The following POLR3E variants were observed in gnomAD, a reference collection of about 807,000 sequenced individuals.
POLR3E encodes RNA polymerase III subunit E.
POLR3E carries 41 observed loss-of-function variants against 96.6 expected under a neutral mutation model. That is an observed-to-expected ratio of 0.42 (90% CI 0.33 to 0.55). The LOEUF (loss-of-function observed/expected upper bound fraction) is 0.55, where lower values mean the gene tolerates loss of function less well. Ranked by LOEUF, POLR3E falls within the 20% of genes least tolerant of loss-of-function variation. POLR3E has a pLI of 0.06. For missense variants in POLR3E, 849 were observed against 952.1 expected (o/e 0.89, Z 1.43); for synonymous variants, 396 against 383.6 (o/e 1.03, Z -0.38).
At position 22,314,107 on chromosome 16, in the gene POLR3E, AGACGAT is replaced by A. The variant is rs1319020864; in HGVS notation, c.503_508del (p.Asp168_Asp169del). 3 of 1,613,836 alleles carry A rather than the reference AGACGAT, an allele frequency of 1.9e-6. No individual in the cohort carries two copies. The highest frequency in any genetic ancestry group is 1.3e-5 in the African/African-American group (1 of 74,918). The stretch of plus-strand genomic sequence containing the variant: ...GGGACTCTTCACAGGATGAGGCGGA[AGACGAT>A]GTTAAGCAGATCACGGTGAGCCCTG... On this transcript the variant is annotated inframe_deletion, in exon 8 of 21. Coordinates refer to ENST00000299853, the MANE Select transcript of POLR3E (RefSeq NM_018119.4).
At chr16:22,316,515 A>G (rs1452664116) in intron 9 of POLR3E, 86 bp from the exon 10 acceptor site, 2 of 971,738 alleles carry the variant, frequency 2.1e-6, no homozygotes, top group African/African-American at 3.2e-5. Flanking sequence ...CTGGCCATGG[A>G]GTGGAAGACG....
At chr16:22,319,292 G>A (rs1313934637) in intron 13 of POLR3E, among the ~76,000 whole-genome samples, 2 of 152,162 alleles carry the variant, frequency 1.3e-5, no homozygotes, top group African/African-American at 4.8e-5. Flanking sequence ...TTCTCTTAAT[G>A]GGAGCATTTG....
intron 2 of POLR3E, among the ~76,000 whole-genome samples, chr16:22,304,195 G>A (rs1166660080): frequency 1.3e-5 from 2 of 152,090 alleles, no homozygotes; most frequent in Non-Finnish European, 2.9e-5. Flanking sequence ...CCTTTGGAAG[G>A]CAAAAGGCAA....
intron 18 of POLR3E, chr16:22,326,651 A>G: frequency 2.9e-6 from 1 of 343,924 alleles, no homozygotes; most frequent in Non-Finnish European, 5.5e-6. Context: ...AGATCGTTTG[A>G]TCTTCTTTGC....
intron 1 of POLR3E, among the ~76,000 whole-genome samples, chr16:22,298,510 C>CCAAAA (rs1272085536): frequency 8.5e-5 from 13 of 152,164 alleles, no homozygotes; most frequent in Non-Finnish European, 1.6e-4. Context: ...GGGAGGAATA[C>CCAAAA]CAAACCCAGA....
intron 1 of POLR3E, among the ~76,000 whole-genome samples, chr16:22,299,402 A>G: frequency 6.8e-6 from 1 of 146,834 alleles, no homozygotes; most frequent in South Asian, 2.1e-4. Flanking sequence ...GGGAAATAAT[A>G]TGATTTACTT....
chr16:22,323,256 G>A (rs1184805665), intron 14 of POLR3E, among the ~76,000 whole-genome samples: 1 of 152,164 alleles, frequency 6.6e-6, no homozygotes, highest in African/African-American at 2.4e-5. Flanking sequence ...ATGCTAGACA[G>A]ATGTCTAGCT....
rs1456784810 is a variant in POLR3E, at chr16:22,313,698, A to T, written c.443A>T (p.Lys148Met). 6.2e-7 allele frequency: 1 copy of T among 1,613,338 alleles called. No homozygotes were observed. The highest frequency in any genetic ancestry group is 1.3e-5 in the African/African-American group (1 of 74,920). ...TCCTACCTGGATAAGGCTGACGCCA[A>T]GCACCGGGAGAGGGAGGCGGCCAAC... The part of the protein sequence containing the change: ...SFSYLDKADA[K>M]HREREAANEA... The change falls in exon 7 of 21, where the codon AAG (lysine) becomes ATG (methionine). Residue 148 changes from lysine (K) to methionine (M), a missense_variant. Coordinates refer to ENST00000299853, the MANE Select transcript of POLR3E (RefSeq NM_018119.4). This position sits in a 1 kb window ranked among gnomAD's most constrained non-coding sequence, Gnocchi z 4.1.
chr16:22,302,103 T>C (rs1445482032), intron 1 of POLR3E, among the ~76,000 whole-genome samples: 1 of 152,012 alleles, frequency 6.6e-6, no homozygotes, highest in Non-Finnish European at 1.5e-5. Flanking sequence ...CAGCCTTCCC[T>C]CTTCCTGGAA....
chr16:22,304,655 CT>C (rs1322297573), intron 2 of POLR3E, among the ~76,000 whole-genome samples: 2 of 151,918 alleles, frequency 1.3e-5, no homozygotes, highest in African/African-American at 4.8e-5. Context: ...AGGTAAACTG[CT>C]GCGTGGCGGG....
intron 6 of POLR3E, 105 bp downstream of exon 6, chr16:22,309,615 C>T: frequency 1.2e-6 from 1 of 847,620 alleles, no homozygotes; most frequent in Non-Finnish European, 2.0e-6. Flanking sequence ...GCCCTGAAAG[C>T]TAGACACCTG....
chr16:22,301,644 A>C (rs1376194442), intron 1 of POLR3E, among the ~76,000 whole-genome samples: 2 of 150,724 alleles, frequency 1.3e-5, no homozygotes, highest in Non-Finnish European at 3.0e-5. Context: ...TGCTGGTCTC[A>C]GCCGGGCGCA....
intron 2 of POLR3E, among the ~76,000 whole-genome samples, chr16:22,304,910 C>T (rs1465967821): frequency 1.3e-5 from 2 of 152,088 alleles, no homozygotes; most frequent in Non-Finnish European, 2.9e-5. Context: ...GGATTGTGAA[C>T]TTGGGTGGGG....
intron 6 of POLR3E, among the ~76,000 whole-genome samples, chr16:22,311,313 T>C (rs2141756083): frequency 6.9e-6 from 1 of 144,374 alleles, no homozygotes; most frequent in East Asian, 2.1e-4. Context: ...GTAGCCTAAG[T>C]GTGCAGTCTG....
intron 13 of POLR3E, among the ~76,000 whole-genome samples, chr16:22,320,229 G>T (rs2048441270): frequency 6.6e-6 from 1 of 151,740 alleles, no homozygotes; most frequent in East Asian, 1.9e-4. Flanking sequence ...TCCAATTTTA[G>T]TATATGTACT....
At chr16:22,309,371 A>G in intron 5 of POLR3E, 57 bp from the exon 6 acceptor site, 4 of 1,313,656 alleles carry the variant, frequency 3.0e-6, no homozygotes, top group Non-Finnish European at 4.4e-6. Context: ...CGCTGTGGCC[A>G]CAGGCCCTGG....
chr16:22,320,282 G>C (rs979014970), intron 13 of POLR3E, among the ~76,000 whole-genome samples: 3 of 149,540 alleles, frequency 2.0e-5, no homozygotes, highest in African/African-American at 4.9e-5. Flanking sequence ...TTTTTTTTTT[G>C]AGATAGTCTC....
In POLR3E at chr16:22,328,520, A is replaced by C. The variant is rs766718523; in HGVS notation, c.1877A>C (p.Gln626Pro). The change falls in exon 19 of 21, where the codon CAG becomes CCG. Residue 626 changes from glutamine to proline, a missense_variant. Coordinates refer to ENST00000299853, the MANE Select transcript of POLR3E (RefSeq NM_018119.4). ...CTGGGCCTTGGTCAGTTTCCCCCCC[A>C]GACTGCTGCTTCCCCGGATGAGCAG... is the stretch of plus-strand genomic sequence containing the variant. ...CKQILVPFPP[Q>P]TAASPDEQKV... is the part of the protein sequence containing the mutation. 17 of 1,613,982 alleles carry C rather than the reference A, an allele frequency of 1.1e-5. No homozygotes were observed. The highest frequency in any genetic ancestry group is 1.1e-5 in the Non-Finnish European group (13 of 1,179,886).
intron 6 of POLR3E, among the ~76,000 whole-genome samples, chr16:22,312,055 G>A (rs2048258077): frequency 6.6e-6 from 1 of 152,190 alleles, no homozygotes; most frequent in South Asian, 2.1e-4. Flanking sequence ...TCCAGAATAG[G>A]CAAATGTACA....
Sources: gnomAD v4.1 joint callset for allele counts (sites outside exome capture counted in the v4.1 genomes callset) on GRCh38, gnomAD v4.1.1 for gene constraint, Gnocchi (gnomAD v3.1) non-coding constraint, MANE v1.5 for transcripts, NCBI Gene and HGNC (gene_info 2026-07-23, HGNC 2026-07-21) for gene names.